The following DNM2 variants were observed in gnomAD, a reference collection of about 807,000 sequenced individuals.
DNM2 encodes the protein dynamin 2, also known as dynamin-2.
DNM2 carries 15 observed loss-of-function variants against 99.0 expected under a neutral mutation model. The ratio of observed to expected loss-of-function variants is 0.15; its 90% CI spans 0.10 to 0.23. The LOEUF (loss-of-function observed/expected upper bound fraction) is 0.23. Among genes scored for constraint, DNM2 ranks in the 10% least tolerant of loss-of-function variants. The probability of loss-of-function intolerance (pLI) is 1.00; values close to 1 mark genes in which losing one functional copy is unlikely to be tolerated. For synonymous variants in DNM2, 525 were observed against 481.2 expected (o/e 1.09, Z -1.19); for missense variants, 742 against 1,189.4 (o/e 0.62, Z 5.53).
chr19:10,822,969 G>A (rs925708155), intron 16 of DNM2, among the ~76,000 whole-genome samples: 3 of 152,076 alleles, frequency 2.0e-5, no homozygotes, highest in Admixed American at 6.5e-5. Flanking sequence ...AGCTGGGGTG[G>A]TGGCAGGTGC....
intron 1 of DNM2, among the ~76,000 whole-genome samples, chr19:10,726,270 A>T (rs2069113947): frequency 6.6e-6 from 1 of 151,588 alleles, no homozygotes; most frequent in Admixed American, 6.6e-5. Flanking sequence ...TTTGTTGCTC[A>T]GTTTGGTGTC....
At chr19:10,793,596 A>G in intron 7 of DNM2, 124 bp from the exon 8 acceptor site, 1 of 1,567,148 alleles carries the variant, frequency 6.4e-7, no homozygotes, top group South Asian at 1.1e-5. Flanking sequence ...CTTAATATAG[A>G]CAGAAGACAT....
At chr19:10,739,962 G>T (rs1486366118) in intron 1 of DNM2, among the ~76,000 whole-genome samples, 2 of 146,274 alleles carry the variant, frequency 1.4e-5, no homozygotes, top group African/African-American at 5.0e-5. Context: ...TAAATTTCTT[G>T]TACATCTATT....
chr19:10,822,533 T>A lies in DNM2; in HGVS notation c.1782-1255T>A, dbSNP rs116206621. Among the ~76,000 whole-genome samples, 255 of 151,862 alleles carry A rather than the reference T, an allele frequency of 1.7e-3. 2 individuals carry two copies. Among genetic ancestry groups the A allele is most frequent in the African/African-American group, 5.9e-3 (246 of 41,424 alleles). ...GTTTTGTTTTGATACATAGTCTCACTCTGTCGCCCAGGCTGGAGACAGTGG... is the reference window on the plus strand; with the variant it reads ...GTTTTGTTTTGATACATAGTCTCACACTGTCGCCCAGGCTGGAGACAGTGG... On this transcript the variant is annotated intron_variant, in intron 16 of 20. Coordinates refer to ENST00000389253, the MANE Select transcript of DNM2 (RefSeq NM_001005361.3).
At chr19:10,806,202 T>C (rs2072331519) in intron 13 of DNM2, among the ~76,000 whole-genome samples, 1 of 152,208 alleles carries the variant, frequency 6.6e-6, no homozygotes, top group African/African-American at 2.4e-5. Context: ...GAAGGCCCTA[T>C]GTGCCATCCA....
intron 15 of DNM2, among the ~76,000 whole-genome samples, chr19:10,814,593 C>T (rs946242463): frequency 1.3e-5 from 2 of 152,186 alleles, no homozygotes; most frequent in Non-Finnish European, 2.9e-5. Flanking sequence ...AACCCCACCT[C>T]TCTTTACCCC....
intron 3 of DNM2, among the ~76,000 whole-genome samples, chr19:10,774,442 T>C (rs2071082531): frequency 6.6e-6 from 1 of 152,262 alleles, no homozygotes; most frequent in East Asian, 1.9e-4. Context: ...TATGCTTTTT[T>C]TGAGATGGAG....
intron 11 of DNM2, among the ~76,000 whole-genome samples, chr19:10,801,702 C>T (rs919931324): frequency 6.0e-5 from 9 of 150,570 alleles, no homozygotes; most frequent in African/African-American, 2.0e-4. Context: ...GTCAGGATTT[C>T]GAGACCAGCC....
Position 10,775,323 on chromosome 19 carries a change from C to T in DNM2, c.386-380C>T, listed in dbSNP as rs1351723785. Among the ~76,000 whole-genome samples, 1 of 152,016 alleles carries T rather than the reference C, an allele frequency of 6.6e-6. No individual in the cohort carries two copies. Among genetic ancestry groups the T allele is most frequent in the Non-Finnish European group, 1.5e-5 (1 of 68,014 alleles). On this transcript the variant is annotated intron_variant, in intron 3 of 20. Coordinates refer to ENST00000389253, the MANE Select transcript of DNM2 (RefSeq NM_001005361.3). The surrounding 1 kb of genome is among the most constrained non-coding windows in gnomAD (Gnocchi z 4.3). Reference sequence around the variant, plus strand: ...TCTAGAACTCCTGGCCTCAAGTGATCCACCCACCTCGGCCTCCCAAAGTGC... The same window carrying T: ...TCTAGAACTCCTGGCCTCAAGTGATTCACCCACCTCGGCCTCCCAAAGTGC...
intron 5 of DNM2, among the ~76,000 whole-genome samples, chr19:10,777,616 G>A (rs1031392002): frequency 6.6e-5 from 10 of 151,728 alleles, no homozygotes; most frequent in African/African-American, 9.7e-5. Context: ...TTTTTGAGAC[G>A]GAGTTTTTGC....
Position 10,820,007 on chromosome 19 carries a change from C to T in DNM2, c.1699C>T (p.Leu567=), listed in dbSNP as rs1477679266. The T allele has an allele frequency of 7.4e-6, 12 of 1,614,076 alleles. No individual in the cohort carries two copies. The highest frequency in any genetic ancestry group is 1.0e-5 in the Non-Finnish European group (12 of 1,180,044). The change falls in exon 16 of 21, where the codon CTG becomes TTG. Residue 567 remains leucine, a synonymous_variant. Coordinates refer to ENST00000389253, the MANE Select transcript of DNM2 (RefSeq NM_001005361.3). This position sits in a 1 kb window ranked among gnomAD's most constrained non-coding sequence, Gnocchi z 4.3. ...EEKEKKYMLP[L]DNLKIRDVEK... is the part of the protein sequence containing the mutation. ...GAAAGAGAAGAAGTACATGCTGCCT[C>T]TGGACAACCTCAAGATCCGTGATGT...
Position 10,831,022 on chromosome 19 carries a change from CAGCCG to C in DNM2, c.2593_2597del (p.Glu865IlefsTer98). The C allele has an allele frequency of 6.2e-7, 1 of 1,611,418 alleles. No individual in the cohort carries two copies. On this transcript the variant is annotated frameshift_variant, in exon 21 of 21. Coordinates refer to ENST00000389253, the MANE Select transcript of DNM2 (RefSeq NM_001005361.3). LOFTEE classifies it high-confidence loss of function. This position sits in a 1 kb window ranked among gnomAD's most constrained non-coding sequence, Gnocchi z 4.3. ...CCCAGCCGGCCCACCATTATCCGCCCAGCCGAGCCATCCCTGCTCGACTAGGCCTC... is the reference window on the plus strand; with the variant it reads ...CCCAGCCGGCCCACCATTATCCGCCCAGCCATCCCTGCTCGACTAGGCCTC...
chr19:10,775,737 C>G lies in DNM2; in HGVS notation c.420C>G (p.Ile140Met). 2 of 1,614,148 alleles carry G rather than the reference C, an allele frequency of 1.2e-6. No individual in the cohort carries two copies. Among genetic ancestry groups the G allele is most frequent in the Non-Finnish European group, 1.7e-6 (2 of 1,180,024 alleles). Residue 140 changes from isoleucine to methionine, a missense_variant, in exon 4 of 21, where the codon ATC (isoleucine) becomes ATG (methionine). Coordinates refer to ENST00000389253, the MANE Select transcript of DNM2 (RefSeq NM_001005361.3). The surrounding 1 kb of genome is among the most constrained non-coding windows in gnomAD (Gnocchi z 4.3). The stretch of plus-strand genomic sequence containing the variant: ...TGACCCTCATCGACCTCCCGGGTAT[C>G]ACCAAGGTGCCTGTGGGCGACCAGC... ...LNLTLIDLPG[I>M]TKVPVGDQPP...
At chr19:10,724,423 C>T (rs983053159) in intron 1 of DNM2, among the ~76,000 whole-genome samples, 12 of 152,094 alleles carry the variant, frequency 7.9e-5, no homozygotes, top group Non-Finnish European at 1.6e-4. Context: ...GTGATCCGCC[C>T]GCCTCGGCCT....
intron 5 of DNM2, among the ~76,000 whole-genome samples, chr19:10,780,650 A>G (rs531558130): frequency 1.6e-4 from 24 of 152,240 alleles, no homozygotes; most frequent in African/African-American, 4.6e-4. Context: ...AACCCAGGCT[A>G]GGCGTGGTGG....
At chr19:10,787,935 A>C (rs891504315) in intron 7 of DNM2, among the ~76,000 whole-genome samples, 3 of 151,926 alleles carry the variant, frequency 2.0e-5, no homozygotes, top group Admixed American at 1.3e-4. Context: ...TCTCCAAAAA[A>C]AAAAGATGAG....
intron 11 of DNM2, among the ~76,000 whole-genome samples, chr19:10,799,236 A>C (rs1158250156): frequency 6.6e-6 from 1 of 152,078 alleles, no homozygotes; most frequent in East Asian, 1.9e-4. Flanking sequence ...CTTAAAAAAG[A>C]AGCAGCAAAG....
intron 16 of DNM2, among the ~76,000 whole-genome samples, chr19:10,821,967 T>G (rs1190298584): frequency 6.6e-6 from 1 of 152,024 alleles, no homozygotes; most frequent in Non-Finnish European, 1.5e-5. Flanking sequence ...CATCCAGAGG[T>G]CGTTCGGGGC....
chr19:10,799,042 A>G (rs1335561215), intron 11 of DNM2, among the ~76,000 whole-genome samples: 1 of 152,200 alleles, frequency 6.6e-6, no homozygotes, highest in Non-Finnish European at 1.5e-5. Flanking sequence ...CGTGGGCAAC[A>G]TAGCAAGACC....
Sources: gnomAD v4.1 joint callset for allele counts (sites outside exome capture counted in the v4.1 genomes callset) on GRCh38, gnomAD v4.1.1 for gene constraint, Gnocchi (gnomAD v3.1) non-coding constraint, MANE v1.5 for transcripts, NCBI Gene and HGNC (gene_info 2026-07-23, HGNC 2026-07-21) for gene names.